The following PBRM1 variants were observed in gnomAD, a reference collection of about 807,000 sequenced individuals.
PBRM1 encodes the protein protein polybromo-1.
A neutral mutation model predicts 194.5 loss-of-function variants in PBRM1; 27 were observed. The observed-to-expected ratio is 0.14, with a 90% CI of 0.10 to 0.19. The LOEUF (loss-of-function observed/expected upper bound fraction) is 0.19, where lower values mean the gene tolerates loss of function less well. Ranked by LOEUF, PBRM1 falls within the 10% of genes least tolerant of loss-of-function variation. PBRM1 has a pLI of 1.00. For synonymous variants in PBRM1, 655 were observed against 693.2 expected (o/e 0.94, Z 0.87); for missense variants, 1,466 against 2,077.2 (o/e 0.71, Z 5.72).
chr3:52,586,877 TG>T (rs1476423450), intron 19 of PBRM1, among the ~76,000 whole-genome samples, 189 bp from the exon 22 acceptor site: 6 of 152,078 alleles, frequency 3.9e-5, no homozygotes, highest in Middle Eastern at 3.4e-3. Flanking sequence ...GGCTACGGAA[TG>T]GACTTATTAT....
chr3:52,550,947 A>G, intron 27 of PBRM1, 130 bp from the exon 30 acceptor site: 1 of 609,658 alleles, frequency 1.6e-6, no homozygotes, highest in South Asian at 2.1e-5. Context: ...CTTTGTGGCT[A>G]GGAATCTTAA....
chr3:52,629,638 A>G (rs527236953), intron 11 of PBRM1, among the ~76,000 whole-genome samples: 1 of 152,246 alleles, frequency 6.6e-6, no homozygotes, highest in East Asian at 1.9e-4. Flanking sequence ...ATTTTTACTT[A>G]AAAGTCTTAA....
intron 26 of PBRM1, among the ~76,000 whole-genome samples, chr3:52,557,841 G>C (rs2082535062): frequency 6.6e-6 from 1 of 152,198 alleles, no homozygotes. Context: ...AGCAGAACAA[G>C]GCAAACTGAA....
At chr3:52,584,171 T>C (rs191609899) in intron 20 of PBRM1, among the ~76,000 whole-genome samples, 48 of 152,284 alleles carry the variant, frequency 3.2e-4, no homozygotes, top group Admixed American at 7.9e-4. Context: ...AAGTCTTTTA[T>C]GTCCTTCAGT....
At chr3:52,614,039 A>G (rs565897535) in intron 15 of PBRM1, among the ~76,000 whole-genome samples, 1 of 152,260 alleles carries the variant, frequency 6.6e-6, no homozygotes, top group South Asian at 2.1e-4. Context: ...ATCATACCCA[A>G]ATCTACTATC....
intron 3 of PBRM1, among the ~76,000 whole-genome samples, chr3:52,665,283 T>C (rs899171313): frequency 5.9e-5 from 9 of 152,072 alleles, no homozygotes; most frequent in Non-Finnish European, 8.8e-5. Context: ...GCCCCTCAAG[T>C]AGCTGGGACT....
rs1345620131 is a variant in PBRM1, at chr3:52,674,467, G to A, written c.236+4033C>T. Among the ~76,000 whole-genome samples the A allele has an allele frequency of 8.2e-5, 10 of 121,492 alleles. 1 individual carries two copies. Among genetic ancestry groups the A allele is most frequent in the South Asian group, 5.1e-4 (2 of 3,896 alleles). 79.7% of individuals were successfully genotyped at this position (121,492 alleles called of 152,430 possible). A position where few individuals can be genotyped will look rare whatever the true frequency, so the allele number is the denominator to read the frequency against. On this transcript the variant is annotated intron_variant, in intron 2 of 29. Coordinates refer to ENST00000296302, the Ensembl canonical transcript of PBRM1. ...GCACCACTGCACTCCAGCCTGGTGCGAAACTCCATCTCAAAAAAAAAAAAA... is the reference window on the plus strand; with the variant it reads ...GCACCACTGCACTCCAGCCTGGTGCAAAACTCCATCTCAAAAAAAAAAAAA...
At chr3:52,550,392 C>T (rs760885618) in intron 29 of PBRM1, 29 bp downstream of exon 31, 3 of 1,258,150 alleles carry the variant, frequency 2.4e-6, no homozygotes, top group Non-Finnish European at 3.2e-6. Context: ...GCATGTATTT[C>T]ACAAAGGCTT....
At chr3:52,588,552 CTTTTTTTTTTTT>C (rs36058575) in intron 18 of PBRM1, among the ~76,000 whole-genome samples, 1 of 110,150 alleles carries the variant, frequency 9.1e-6, no homozygotes, top group Admixed American at 1.0e-4. Flanking sequence ...GTATTTCTTT[CTTTTTTTTTTTT>C]TTTTTTTTTG....
At chr3:52,561,291 T>C (rs2083455659) in intron 25 of PBRM1, among the ~76,000 whole-genome samples, 1 of 152,126 alleles carries the variant, frequency 6.6e-6, no homozygotes, top group Non-Finnish European at 1.5e-5. Flanking sequence ...ACAGACACAG[T>C]ATAGGCCAGG....
chr3:52,621,399 A>G (rs34341238), intron 13 of PBRM1, among the ~76,000 whole-genome samples: 69,197 of 151,854 alleles, frequency 0.46, 16,095 homozygotes, highest in African/African-American at 0.52. Flanking sequence ...TCCTGACCTC[A>G]TGATCTGCCC....
chr3:52,672,269 G>C (rs751272770), intron 2 of PBRM1, among the ~76,000 whole-genome samples: 20 of 151,940 alleles, frequency 1.3e-4, no homozygotes, highest in Non-Finnish European at 2.5e-4. Context: ...CCCATTTAAG[G>C]ACCCTTGTGA....
chr3:52,569,160 T>C (rs534871561), intron 22 of PBRM1, among the ~76,000 whole-genome samples: 43 of 152,236 alleles, frequency 2.8e-4, no homozygotes, highest in South Asian at 1.7e-3. Context: ...AGTGCTGGGA[T>C]TGATAACAGG....
chr3:52,593,818 A>G (rs2093325183), intron 17 of PBRM1, among the ~76,000 whole-genome samples: 1 of 151,858 alleles, frequency 6.6e-6, no homozygotes. Flanking sequence ...CTTCTTTTGC[A>G]TTTTCTGAGG....
At chr3:52,668,562 T>A in exon 3 of PBRM1, 1 of 1,607,584 alleles carries the variant, frequency 6.2e-7, no homozygotes, top group South Asian at 1.1e-5. Flanking sequence ...ATTAACATCA[T>A]CATACTCTTC....
intron 20 of PBRM1, 128 bp from the exon 23 acceptor site, chr3:52,579,327 CG>C: frequency 1.2e-6 from 1 of 837,194 alleles, no homozygotes; most frequent in Non-Finnish European, 1.9e-6. Flanking sequence ...ACGTGGCTCA[CG>C]TAATCCCAGC....
intron 22 of PBRM1, among the ~76,000 whole-genome samples, chr3:52,568,193 A>T (rs901257509): frequency 6.6e-6 from 1 of 151,918 alleles, no homozygotes; most frequent in Non-Finnish European, 1.5e-5. Flanking sequence ...CGGCCAGGCT[A>T]GTCTTCGACT....
chr3:52,565,659 CAACATT>C (rs911156653), intron 22 of PBRM1, among the ~76,000 whole-genome samples: 6 of 151,774 alleles, frequency 4.0e-5, no homozygotes, highest in African/African-American at 1.5e-4. Context: ...TCCTACAACT[CAACATT>C]AAGACAAATA....
intron 3 of PBRM1, among the ~76,000 whole-genome samples, chr3:52,666,292 A>AGCACT (rs949472176): frequency 1.3e-5 from 2 of 152,174 alleles, no homozygotes; most frequent in African/African-American, 4.8e-5. Context: ...CTGTAATCCT[A>AGCACT]GCACTTTTGG....
Sources: gnomAD v4.1 joint callset for allele counts (sites outside exome capture counted in the v4.1 genomes callset) on GRCh38, gnomAD v4.1.1 for gene constraint, MANE v1.5 for transcripts, NCBI Gene and HGNC (gene_info 2026-07-23, HGNC 2026-07-21) for gene names.